SHISA9: variants seen among roughly 807,000 people sequenced by gnomAD.
SHISA9 encodes the protein protein shisa-9.
SHISA9 carries 13 observed loss-of-function variants against 38.0 expected under a neutral mutation model. The ratio of observed to expected loss-of-function variants is 0.34; its 90% confidence interval spans 0.22 to 0.54. SHISA9 has a LOEUF of 0.54. Ranked by LOEUF, SHISA9 falls within the 20% of genes least tolerant of loss-of-function variation. SHISA9 has a pLI of 0.91. For synonymous variants in SHISA9, 275 were observed against 242.0 expected, an observed-to-expected ratio of 1.14 and a Z score of -1.27; for missense variants, 538 against 575.8, an observed-to-expected ratio of 0.93 and a Z score of 0.67.
intron 2 of SHISA9, among the ~76,000 whole-genome samples, chr16:12,986,711 C>T (rs552258587): frequency 1.3e-5 from 2 of 152,352 alleles, no homozygotes; most frequent in South Asian, 4.1e-4. Context: ...ATTTAGGAAA[C>T]ACTAACTGTA....
chr16:13,411,841 CAG>C, the SHISA9 span, among the ~76,000 whole-genome samples: 1 of 152,204 alleles, frequency 6.6e-6, no homozygotes, highest in African/African-American at 2.4e-5. Flanking sequence ...AGATAAAACT[CAG>C]GGGTTATTTG....
chr16:13,134,185 C>G (rs1208663251), intron 2 of SHISA9, among the ~76,000 whole-genome samples: 1 of 152,176 alleles, frequency 6.6e-6, no homozygotes, highest in Non-Finnish European at 1.5e-5. Flanking sequence ...CAAGTGTAAA[C>G]TAAGCTACTT....
intron 2 of SHISA9, among the ~76,000 whole-genome samples, chr16:13,086,974 C>T (rs1367042876): frequency 6.7e-6 from 1 of 148,370 alleles, no homozygotes; most frequent in African/African-American, 2.5e-5. Flanking sequence ...GCCCCCCACC[C>T]CCCAACAGGC....
chr16:13,056,568 TGGGTAA>T (rs1311518341), intron 2 of SHISA9, among the ~76,000 whole-genome samples: 2 of 152,122 alleles, frequency 1.3e-5, no homozygotes, highest in Admixed American at 1.3e-4. Context: ...AAGGATTTAT[TGGGTAA>T]TAAATAGCAT....
the SHISA9 span, among the ~76,000 whole-genome samples, chr16:13,343,056 G>A: frequency 6.6e-6 from 1 of 152,200 alleles, no homozygotes; most frequent in African/African-American, 2.4e-5. Context: ...TAGCACATGA[G>A]AAGCACTCAA....
At chr16:13,497,297 T>A in the SHISA9 span, among the ~76,000 whole-genome samples, 25 of 152,324 alleles carry the variant, frequency 1.6e-4, no homozygotes, top group Middle Eastern at 3.4e-3. Context: ...GATACATGTT[T>A]ACAATGTGGA....
At chr16:13,459,570 G>A in the SHISA9 span, among the ~76,000 whole-genome samples, 2 of 151,948 alleles carry the variant, frequency 1.3e-5, no homozygotes, top group Non-Finnish European at 2.9e-5. Flanking sequence ...CAAATTATTG[G>A]GCACTCTAGG....
chr16:12,971,429 C>A (rs1052659223), intron 2 of SHISA9, among the ~76,000 whole-genome samples: 1 of 152,208 alleles, frequency 6.6e-6, no homozygotes, highest in South Asian at 2.1e-4. Flanking sequence ...TGTCTCTTGG[C>A]TGGCTGCCCA....
intron 2 of SHISA9, among the ~76,000 whole-genome samples, chr16:12,931,024 C>A (rs1044382602): frequency 6.6e-6 from 1 of 152,160 alleles, no homozygotes; most frequent in Non-Finnish European, 1.5e-5. Flanking sequence ...ATAATCCCCA[C>A]CCCTGGAGCA....
At chr16:13,288,739 C>T in the SHISA9 span, among the ~76,000 whole-genome samples, 2 of 151,516 alleles carry the variant, frequency 1.3e-5, no homozygotes, top group East Asian at 2.0e-4. Flanking sequence ...TGCAGTGAGC[C>T]GAGATCACAC....
intron 2 of SHISA9, among the ~76,000 whole-genome samples, chr16:12,949,356 G>C (rs904704590): frequency 1.3e-5 from 2 of 152,216 alleles, no homozygotes; most frequent in Admixed American, 1.3e-4. Flanking sequence ...AGGCAATGGG[G>C]TTGGCCTTTT....
At chr16:13,368,712 C>A in the SHISA9 span, among the ~76,000 whole-genome samples, 1 of 144,042 alleles carries the variant, frequency 6.9e-6, no homozygotes, top group African/African-American at 2.6e-5. Flanking sequence ...TTGATTGGAG[C>A]AATGACCTCC....
chr16:12,946,371 C>T (rs537286126), intron 2 of SHISA9, among the ~76,000 whole-genome samples: 53 of 152,216 alleles, frequency 3.5e-4, no homozygotes, highest in African/African-American at 1.3e-3. Flanking sequence ...ATAAGGGAAC[C>T]AAGTAAAAAG....
the SHISA9 span, among the ~76,000 whole-genome samples, chr16:13,275,355 T>G: frequency 4.6e-5 from 7 of 152,286 alleles, no homozygotes; most frequent in East Asian, 1.4e-3. Flanking sequence ...CTTTATTGTT[T>G]TAGTAATTAA....
the SHISA9 span, among the ~76,000 whole-genome samples, chr16:13,469,256 A>G: frequency 6.7e-6 from 1 of 149,794 alleles, no homozygotes; most frequent in Non-Finnish European, 1.5e-5. Context: ...AAAAAAGAGA[A>G]GAAAGTAAGG....
At chr16:13,054,772 C>A (rs1427488319) in intron 2 of SHISA9, among the ~76,000 whole-genome samples, 1 of 152,164 alleles carries the variant, frequency 6.6e-6, no homozygotes, top group African/African-American at 2.4e-5. Context: ...CACCTCCAGC[C>A]CCTCTCATGA....
the SHISA9 span, among the ~76,000 whole-genome samples, chr16:13,385,808 C>G: frequency 2.0e-5 from 3 of 151,612 alleles, no homozygotes; most frequent in South Asian, 2.1e-4. Flanking sequence ...CCATGAAATA[C>G]TACTCAGCAA....
the SHISA9 span, among the ~76,000 whole-genome samples, chr16:13,297,948 G>T: frequency 1.3e-5 from 2 of 152,278 alleles, no homozygotes; most frequent in East Asian, 3.9e-4. Context: ...TAGAGACAGG[G>T]TTTCTCCATG....
chr16:13,433,802 C>T, the SHISA9 span, among the ~76,000 whole-genome samples: 13 of 152,092 alleles, frequency 8.5e-5, no homozygotes, highest in South Asian at 1.2e-3. Context: ...ACCTTGTATC[C>T]CCAGGATAGG....
Sources: allele counts gnomAD v4.1 joint callset (sites outside exome capture counted in the v4.1 genomes callset), GRCh38; gene constraint gnomAD v4.1.1; transcripts MANE v1.5; gene names NCBI Gene and HGNC (gene_info 2026-07-23, HGNC 2026-07-21).